The following ZDHHC2 variants were observed in gnomAD, a reference collection of about 807,000 sequenced individuals.
ZDHHC2 encodes the protein zDHHC palmitoyltransferase 2.
Under a neutral mutation model 55.6 loss-of-function variants are expected in ZDHHC2, and 51 were observed. The observed-to-expected ratio is 0.92, with a 90% CI of 0.73 to 1.16. ZDHHC2 has a LOEUF of 1.16. Ranked by LOEUF, ZDHHC2 falls within the 50% of genes most tolerant of loss-of-function variation. The probability of loss-of-function intolerance (pLI) is 0.00; values close to 1 mark genes in which losing one functional copy is unlikely to be tolerated. For missense variants in ZDHHC2, 491 were observed against 442.4 expected, an observed-to-expected ratio of 1.11 and a Z score of -0.99; for synonymous variants, 199 against 152.9, an observed-to-expected ratio of 1.30 and a Z score of -2.22.
chr8:17,204,971 T>C (rs1484076218), intron 6 of ZDHHC2, among the ~76,000 whole-genome samples: 2 of 152,218 alleles, frequency 1.3e-5, no homozygotes, highest in Admixed American at 1.3e-4. Flanking sequence ...CTGAGATTTA[T>C]AAATTTCCAT....
At chr8:17,215,087 T>C (rs1164228680) in intron 10 of ZDHHC2, 150 bp from the exon 11 acceptor site, 2 of 639,948 alleles carry the variant, frequency 3.1e-6, no homozygotes, top group East Asian at 5.5e-5. Context: ...CTATTTAATG[T>C]CTTATTCTTG....
rs1221346007 is a variant in ZDHHC2, at chr8:17,210,400, C to G, written c.870C>G (p.Gly290=). Residue 290 remains glycine, a synonymous_variant, in exon 10 of 13, where the codon GGC becomes GGG. Transcript: ENST00000262096. ...LLPIFSSLGD[G]CSFPTCLVNQ... is the part of the protein sequence containing the mutation. ...ATTTTAATTCTAGTCTAGGTGATGGCTGCTCCTTTCCAACTTGCCTTGTTA... is the reference window on the plus strand; with the variant it reads ...ATTTTAATTCTAGTCTAGGTGATGGGTGCTCCTTTCCAACTTGCCTTGTTA... 1.2e-6 allele frequency: 2 copies of G among 1,613,236 alleles called. No homozygotes were observed. Among genetic ancestry groups the G allele is most frequent in the Non-Finnish European group, 1.7e-6 (2 of 1,179,576 alleles).
intron 9 of ZDHHC2, 95 bp from the exon 10 acceptor site, chr8:17,210,293 A>G (rs1223880883): frequency 3.1e-6 from 4 of 1,297,254 alleles, no homozygotes; most frequent in East Asian, 2.4e-5. Flanking sequence ...TGCCTAGAGT[A>G]TAGCATGTTC....
In ZDHHC2 at chr8:17,218,087, G is replaced by A. The variant is rs999469411; in HGVS notation, c.*34+841G>A. Reference sequence around the variant, plus strand: ...GTTCTGGTTTTGGTAAGTTAGCCATGTATTGTCAGCAAAATGCTGACCTGG... The same window carrying A: ...GTTCTGGTTTTGGTAAGTTAGCCATATATTGTCAGCAAAATGCTGACCTGG... On this transcript the variant is annotated intron_variant, in intron 12 of 12. Coordinates refer to ENST00000262096, the MANE Select transcript of ZDHHC2 (RefSeq NM_016353.5). Among the ~76,000 whole-genome samples the A allele has an allele frequency of 2.0e-5, 3 of 152,148 alleles. No individual in the cohort carries two copies. In the East Asian group the frequency reaches 5.8e-4, roughly 29 times the overall value.
At chr8:17,204,331 G>A (rs1021926646) in intron 6 of ZDHHC2, among the ~76,000 whole-genome samples, 17 of 152,174 alleles carry the variant, frequency 1.1e-4, no homozygotes, top group Admixed American at 1.0e-3. Flanking sequence ...CGTTAGAAGG[G>A]GAACAAGAAC....
At chr8:17,167,117 T>A (rs1414140767) in intron 1 of ZDHHC2, among the ~76,000 whole-genome samples, 3 of 152,076 alleles carry the variant, frequency 2.0e-5, no homozygotes, top group Non-Finnish European at 4.4e-5. Context: ...ATTTGGGACA[T>A]ATGTTTCTTG....
chr8:17,210,454 T>C lies in ZDHHC2; in HGVS notation c.924T>C (p.Pro308=), dbSNP rs201483074. The C allele has an allele frequency of 6.1e-5, 99 of 1,612,266 alleles. No individual in the cohort carries two copies. In the African/African-American group the frequency reaches 1.2e-3, roughly 20 times the overall value. Reference sequence around the variant, plus strand: ...AGGATCCTGAACAAGCATCTACTCCTGCAGGGCTGAATTCCACAGCTAAAA... The same window carrying C: ...AGGATCCTGAACAAGCATCTACTCCCGCAGGGCTGAATTCCACAGCTAAAA... ...VNQDPEQAST[P]AGLNSTAKNL... is the part of the protein sequence containing the mutation. The change falls in exon 10 of 13, where the codon CCT becomes CCC. Residue 308 remains proline, a synonymous_variant. Transcript: ENST00000262096.
intron 1 of ZDHHC2, among the ~76,000 whole-genome samples, chr8:17,168,034 C>A (rs1804688717): frequency 6.6e-6 from 1 of 152,128 alleles, no homozygotes; most frequent in Admixed American, 6.5e-5. Context: ...CTTGTCCCAG[C>A]CTTCTTAGAG....
At chr8:17,184,435 A>G (rs1805601429) in intron 1 of ZDHHC2, among the ~76,000 whole-genome samples, 1 of 152,252 alleles carries the variant, frequency 6.6e-6, no homozygotes. Context: ...GCGGAAATGT[A>G]ATGACCTGGA....
chr8:17,209,008 T>C (rs907472410), intron 8 of ZDHHC2, among the ~76,000 whole-genome samples: 1 of 152,200 alleles, frequency 6.6e-6, no homozygotes, highest in Non-Finnish European at 1.5e-5. Flanking sequence ...ATTTTTCTTT[T>C]TAATGGAGAA....
intron 8 of ZDHHC2, 132 bp from the exon 9 acceptor site, chr8:17,209,800 C>T (rs1585734711): frequency 3.0e-6 from 3 of 1,005,996 alleles, no homozygotes; most frequent in East Asian, 2.8e-5. Flanking sequence ...TGTTGACAGG[C>T]ACATAAGCCC....
intron 10 of ZDHHC2, 107 bp downstream of exon 10, chr8:17,210,587 T>G: frequency 1.1e-6 from 1 of 888,220 alleles, no homozygotes; most frequent in Non-Finnish European, 1.7e-6. Context: ...TAAGAAAATT[T>G]ACTGCAATGG....
At chr8:17,209,627 A>G (rs1219834302) in intron 8 of ZDHHC2, among the ~76,000 whole-genome samples, 1 of 152,218 alleles carries the variant, frequency 6.6e-6, no homozygotes, top group Non-Finnish European at 1.5e-5. Flanking sequence ...CTATCTATTG[A>G]TCAAAAGATC....
intron 10 of ZDHHC2, among the ~76,000 whole-genome samples, 194 bp downstream of exon 10, chr8:17,210,674 T>C (rs1041989282): frequency 6.6e-6 from 1 of 152,142 alleles, no homozygotes; most frequent in Non-Finnish European, 1.5e-5. Flanking sequence ...TGTAAAATGG[T>C]GTTATTAATC....
At chr8:17,192,075 C>T (rs968746310) in intron 3 of ZDHHC2, among the ~76,000 whole-genome samples, 1 of 152,122 alleles carries the variant, frequency 6.6e-6, no homozygotes, top group Non-Finnish European at 1.5e-5. Flanking sequence ...CTTTGACTTC[C>T]TGGGTTCGAG....
chr8:17,211,233 T>A (rs185053875), intron 10 of ZDHHC2, among the ~76,000 whole-genome samples: 1 of 152,312 alleles, frequency 6.6e-6, no homozygotes, highest in Non-Finnish European at 1.5e-5. Flanking sequence ...GATTTGAGTA[T>A]AACCATTCCT....
chr8:17,207,848 T>C (rs1200678282), intron 7 of ZDHHC2, 112 bp from the exon 8 acceptor site: 1 of 907,366 alleles, frequency 1.1e-6, no homozygotes, highest in Non-Finnish European at 1.4e-6. Flanking sequence ...TTTTTTATAT[T>C]AAATTTAAGA....
At chr8:17,213,121 C>T (rs1563170221) in intron 10 of ZDHHC2, among the ~76,000 whole-genome samples, 1 of 152,264 alleles carries the variant, frequency 6.6e-6, no homozygotes, top group East Asian at 1.9e-4. Flanking sequence ...CATTCTTCCT[C>T]CAGATCTCAG....
chr8:17,165,757 C>G (rs1457468434), intron 1 of ZDHHC2, among the ~76,000 whole-genome samples: 2 of 152,194 alleles, frequency 1.3e-5, no homozygotes, highest in African/African-American at 4.8e-5. Context: ...GCAAGAAGGA[C>G]TGAGAATGCC....
Sources: gnomAD v4.1 joint callset for allele counts (sites outside exome capture counted in the v4.1 genomes callset) on GRCh38, gnomAD v4.1.1 for gene constraint, MANE v1.5 for transcripts, NCBI Gene and HGNC (gene_info 2026-07-23, HGNC 2026-07-21) for gene names.